The following LYST variants were observed in gnomAD, a reference collection of about 807,000 sequenced individuals.
LYST encodes lysosomal trafficking regulator, also known as lysosomal-trafficking regulator.
Under a neutral mutation model 413.6 loss-of-function variants are expected in LYST, and 192 were observed. That is an observed-to-expected ratio of 0.46 (90% confidence interval 0.41 to 0.52). The LOEUF is 0.52. LYST is among the 20% of genes least tolerant of loss of function. The probability of loss-of-function intolerance (pLI) is 0.00; values close to 1 mark genes in which losing one functional copy is unlikely to be tolerated. For missense variants in LYST, 3,815 were observed against 4,499.9 expected (o/e 0.85, Z 4.35); for synonymous variants, 1,525 against 1,567.3 (o/e 0.97, Z 0.64).
chr1:235,823,366 T>C (rs567202408), intron 3 of LYST, among the ~76,000 whole-genome samples: 5 of 152,370 alleles, frequency 3.3e-5, no homozygotes, highest in African/African-American at 7.2e-5. Flanking sequence ...GAACTAGATA[T>C]AGTAAATTAA....
intron 35 of LYST, 27 bp downstream of exon 35, chr1:235,731,005 T>C (rs765805285): frequency 6.2e-7 from 1 of 1,610,820 alleles, no homozygotes; most frequent in Non-Finnish European, 8.5e-7. Context: ...GCTATATTTA[T>C]ATGTTGAGTC....
intron 1 of LYST, among the ~76,000 whole-genome samples, chr1:235,856,623 TTC>T (rs1210621688): frequency 2.0e-5 from 3 of 152,192 alleles, no homozygotes; most frequent in African/African-American, 7.2e-5. Context: ...CCTTACTGGG[TTC>T]TGTTTTTTAA....
At position 235,753,097 on chromosome 1, in the gene LYST, A is replaced by T. The variant is rs1252669155; in HGVS notation, c.7407T>A (p.Gly2469=). The T allele has an allele frequency of 1.2e-6, 2 of 1,607,872 alleles. No individual in the cohort carries two copies. Among genetic ancestry groups the T allele is most frequent in the Non-Finnish European group, 1.7e-6 (2 of 1,174,752 alleles). ...CTGTATTACATAACACATAGAGTAGACCATTATCCAGCAACATATCTGCTA... is the reference window on the plus strand; with the variant it reads ...CTGTATTACATAACACATAGAGTAGTCCATTATCCAGCAACATATCTGCTA... ...SKVADMLLDN[G]LLYVLCNTVA... is the part of the protein sequence containing the mutation. The change falls in exon 26 of 53, where the codon GGT becomes GGA. Residue 2469 remains glycine (G), a synonymous_variant. Coordinates refer to ENST00000389793, the MANE Select transcript of LYST (RefSeq NM_000081.4).
intron 1 of LYST, chr1:235,853,108 G>C (rs765683522): frequency 2.4e-5 from 4 of 169,932 alleles, no homozygotes; most frequent in Admixed American, 6.6e-5. Flanking sequence ...CAAACTTCTT[G>C]CCCCCCCACA....
intron 1 of LYST, among the ~76,000 whole-genome samples, chr1:235,840,412 G>C (rs1157928197): frequency 1.3e-5 from 2 of 152,196 alleles, no homozygotes; most frequent in Admixed American, 6.5e-5. Context: ...TGAGGATGGA[G>C]GGAGTGGCTG....
chr1:235,695,234 T>C (rs1315744000), intron 46 of LYST, among the ~76,000 whole-genome samples: 2 of 152,232 alleles, frequency 1.3e-5, no homozygotes, highest in Admixed American at 6.5e-5. Flanking sequence ...AAAATTACCC[T>C]GTGAGGTAAA....
rs896667600 is a variant in LYST at position 235,788,686 on chromosome 1, G to A, written c.4688+15C>T. 1.9e-6 allele frequency: 3 copies of A among 1,611,890 alleles called. No individual in the cohort carries two copies. Among genetic ancestry groups the A allele is most frequent in the Non-Finnish European group, 2.5e-6 (3 of 1,178,206 alleles). ...ATACATTATCTATTCATGGGAGGCT[G>A]AGGATAATCAATACCGAAAGATAAG... On this transcript the variant is annotated intron_variant, in intron 13 of 52. Coordinates refer to ENST00000389793, the MANE Select transcript of LYST (RefSeq NM_000081.4).
chr1:235,810,598 G>T, intron 4 of LYST, 64 bp from the exon 5 acceptor site: 1 of 1,404,130 alleles, frequency 7.1e-7, no homozygotes, highest in South Asian at 1.2e-5. Flanking sequence ...ATTTTAAGGT[G>T]ACAGCCCTCT....
intron 20 of LYST, among the ~76,000 whole-genome samples, chr1:235,769,176 G>A (rs11802345): frequency 0.096 from 14,624 of 152,100 alleles, 883 homozygotes; most frequent in Middle Eastern, 0.17. Flanking sequence ...CTCTCAGGAA[G>A]TAAGTCTTAA....
At chr1:235,788,290 G>A (rs941737402) in intron 13 of LYST, among the ~76,000 whole-genome samples, 2 of 152,106 alleles carry the variant, frequency 1.3e-5, no homozygotes, top group African/African-American at 4.8e-5. Flanking sequence ...CTCCCAAGTA[G>A]CTGGGACTAC....
At chr1:235,794,627 A>G (rs1447410572) in intron 10 of LYST, among the ~76,000 whole-genome samples, 1 of 152,272 alleles carries the variant, frequency 6.6e-6, no homozygotes, top group Non-Finnish European at 1.5e-5. Context: ...AAAGACTGGT[A>G]GTTTTGGAAG....
intron 25 of LYST, 50 bp downstream of exon 25, chr1:235,755,420 AAAGAAAAG>A: frequency 2.1e-6 from 3 of 1,424,374 alleles, no homozygotes; most frequent in Admixed American, 3.4e-5. Flanking sequence ...AAAGAAAAGA[AAAGAAAAG>A]AAAAAAGACA....
chr1:235,724,158 G>T lies in LYST; in HGVS notation c.9185C>A (p.Pro3062Gln), dbSNP rs373960529. 1.2e-5 allele frequency: 19 copies of T among 1,613,532 alleles called. No individual in the cohort carries two copies. Among genetic ancestry groups the T allele is most frequent in the Non-Finnish European group, 1.6e-5 (19 of 1,179,740 alleles). ...TTCATATGTCCAGGAAAATGATGCT[G>T]GTTCCAACTCTCCCTGAAGGCTCTA... ...ESSSLQGELEPASFSWTYEEI... is the reference protein window; with the variant it reads ...ESSSLQGELEQASFSWTYEEI... The change falls in exon 39 of 53, where the codon CCA (proline) becomes CAA (glutamine). Residue 3062 changes from proline (P) to glutamine (Q), a missense_variant. By Grantham distance (76) the Pro-to-Gln change is moderately conservative. Coordinates refer to ENST00000389793, the MANE Select transcript of LYST (RefSeq NM_000081.4).
chr1:235,737,921 G>T, intron 31 of LYST: 2 of 1,176,874 alleles, frequency 1.7e-6, no homozygotes, highest in East Asian at 4.0e-5. Flanking sequence ...CGACGAGTCT[G>T]GATCTCACTG....
intron 1 of LYST, among the ~76,000 whole-genome samples, chr1:235,848,733 A>C (rs537665423): frequency 6.8e-4 from 104 of 152,280 alleles, no homozygotes; most frequent in African/African-American, 2.5e-3. Context: ...AGATCATTCA[A>C]GGCTACTACG....
intron 34 of LYST, among the ~76,000 whole-genome samples, chr1:235,733,143 T>C (rs1464357564): frequency 6.6e-6 from 1 of 152,182 alleles, no homozygotes; most frequent in African/African-American, 2.4e-5. Flanking sequence ...TAGAGAATAA[T>C]ACCTTGATTT....
At chr1:235,750,693 T>G (rs544180801) in intron 28 of LYST, among the ~76,000 whole-genome samples, 1 of 152,258 alleles carries the variant, frequency 6.6e-6, no homozygotes, top group African/African-American at 2.4e-5. Flanking sequence ...GTTTATTATT[T>G]GATGACATTC....
chr1:235,697,183 G>A lies in LYST; in HGVS notation c.10464C>T (p.Pro3488=). ...GGAGAGAGCCAAATCTTTCTCCGTG[G>A]GGCTGGCTGAAGCAGACCACAGGTA... ...APVPVVCFSQ[P]HGERFGSLQA... is the part of the protein sequence containing the mutation. Residue 3488 remains proline, a synonymous_variant, in exon 46 of 53, where the codon CCC becomes CCT. Coordinates refer to ENST00000389793, the MANE Select transcript of LYST (RefSeq NM_000081.4). 6.2e-7 allele frequency: 1 copy of A among 1,614,118 alleles called. No individual in the cohort carries two copies. Among genetic ancestry groups the A allele is most frequent in the Non-Finnish European group, 8.5e-7 (1 of 1,180,000 alleles).
chr1:235,800,256 C>T, intron 10 of LYST, 64 bp downstream of exon 10: 2 of 1,099,598 alleles, frequency 1.8e-6, no homozygotes, highest in Non-Finnish European at 2.8e-6. Context: ...GGCCAGAAGC[C>T]ATTATTATCA....
Sources: gnomAD v4.1 joint callset for allele counts (sites outside exome capture counted in the v4.1 genomes callset) on GRCh38, gnomAD v4.1.1 for gene constraint, MANE v1.5 for transcripts, NCBI Gene and HGNC (gene_info 2026-07-23, HGNC 2026-07-21) for gene names.